LRRN2: variants seen among roughly 807,000 people sequenced by gnomAD.
LRRN2 encodes the protein leucine rich repeat neuronal 2.
In LRRN2, 10 loss-of-function variants were observed where a neutral mutation model predicts 35.7. That is an observed-to-expected ratio of 0.28 (90% CI 0.17 to 0.47). The LOEUF is 0.47. Ranked by LOEUF, LRRN2 falls within the 20% of genes least tolerant of loss-of-function variation. LRRN2 has a pLI of 0.99. For missense variants in LRRN2, 731 were observed against 940.3 expected (o/e 0.78, Z 2.91); for synonymous variants, 391 against 409.6 (o/e 0.95, Z 0.55).
intron 1 of LRRN2, among the ~76,000 whole-genome samples, chr1:204,637,982 AGAG>A (rs1164144737): frequency 6.6e-6 from 1 of 152,214 alleles, no homozygotes; most frequent in Non-Finnish European, 1.5e-5. Context: ...GGGGGAGGAC[AGAG>A]GAGAATGTAC....
At chr1:204,644,185 A>AAGCC (rs766373511) in intron 1 of LRRN2, among the ~76,000 whole-genome samples, 1 of 152,036 alleles carries the variant, frequency 6.6e-6, no homozygotes, top group Non-Finnish European at 1.5e-5. Flanking sequence ...TGGTGGTCAG[A>AAGCC]AGCCACATTT....
At chr1:204,643,316 T>G (rs1448951216) in intron 1 of LRRN2, among the ~76,000 whole-genome samples, 1 of 152,164 alleles carries the variant, frequency 6.6e-6, no homozygotes, top group East Asian at 1.9e-4. Context: ...TATCTGAAAT[T>G]GCATGCAAAC....
In LRRN2 at chr1:204,624,748, CCCCCCCA is replaced by C. The variant is rs774127611; in HGVS notation, c.-226-4537_-226-4531del. 5.0e-3 allele frequency among the ~76,000 whole-genome samples: 352 copies of C among 69,944 alleles called. 30 individuals carry two copies. The highest frequency in any genetic ancestry group is 0.019 in the East Asian group (47 of 2,440). 45.9% of individuals were successfully genotyped at this position (69,944 alleles called of 152,430 possible). ...TCCTCCCTCCTCTCCCTGGCGGTTC[CCCCCCCA>C]CCCCCCCCCCCGGGAGCTGAGGGTC... On this transcript the variant is annotated intron_variant, in intron 1 of 1. Transcript: ENST00000367177.
chr1:204,673,995 T>C (rs1483555641), intron 1 of LRRN2, among the ~76,000 whole-genome samples: 1 of 151,362 alleles, frequency 6.6e-6, no homozygotes, highest in East Asian at 1.9e-4. Context: ...GATAGGAGAG[T>C]GGTGGAAAAC....
chr1:204,659,612 GT>G (rs1668429807), intron 1 of LRRN2, among the ~76,000 whole-genome samples: 1 of 29,794 alleles, frequency 3.4e-5, no homozygotes, highest in Non-Finnish European at 6.9e-5. Context: ...ACCTTCAGGT[GT>G]GTGTGTGTGT....
chr1:204,670,017 TG>T (rs753055250), intron 1 of LRRN2, among the ~76,000 whole-genome samples: 2,705 of 151,702 alleles, frequency 0.018, 46 homozygotes, highest in Non-Finnish European at 0.027. Context: ...TTTTTTTTTT[TG>T]TTTGTTTGTT....
intron 1 of LRRN2, among the ~76,000 whole-genome samples, chr1:204,643,622 G>A (rs1490166069): frequency 1.3e-5 from 2 of 152,038 alleles, no homozygotes; most frequent in Non-Finnish European, 2.9e-5. Context: ...AGCTGTGGCC[G>A]CCTCTAATCC....
chr1:204,636,131 A>AT (rs1667827226), intron 1 of LRRN2, among the ~76,000 whole-genome samples: 1 of 152,124 alleles, frequency 6.6e-6, no homozygotes, highest in Admixed American at 6.5e-5. Flanking sequence ...GAGCATCGTC[A>AT]TCTCCTCCAG....
At chr1:204,655,941 G>A (rs887976462) in intron 1 of LRRN2, among the ~76,000 whole-genome samples, 3 of 151,802 alleles carry the variant, frequency 2.0e-5, no homozygotes, top group South Asian at 2.1e-4. Flanking sequence ...ACGGAGTCTC[G>A]CTCTGTCGCC....
rs1181909764 is a variant in LRRN2, at chr1:204,619,027, C to A, written c.966G>T (p.Arg322=). Residue 322 remains arginine (R), a synonymous_variant, in exon 2 of 2, where the codon CGG becomes CGT. Coordinates refer to ENST00000367177, the MANE Select transcript of LRRN2 (RefSeq NM_201630.2). The part of the protein sequence containing the change: ...LTKLDITNNP[R]LSFIHPRAFH... ...AGGCGCGGGGGTGGATGAAGGACAG[C>A]CGTGGGTTATTGGTGATGTCCAGCT... is the stretch of plus-strand genomic sequence containing the variant. 1.2e-6 allele frequency: 2 copies of A among 1,608,548 alleles called. No individual in the cohort carries two copies. The highest frequency in any genetic ancestry group is 2.2e-5 in the South Asian group (2 of 90,374).
chr1:204,631,009 C>T (rs1667677219), intron 1 of LRRN2, among the ~76,000 whole-genome samples: 1 of 151,472 alleles, frequency 6.6e-6, no homozygotes, highest in South Asian at 2.1e-4. Context: ...ATACTGTAGT[C>T]CCCGGACCAG....
chr1:204,627,656 G>A (rs1283851061), intron 1 of LRRN2, among the ~76,000 whole-genome samples: 2 of 152,266 alleles, frequency 1.3e-5, no homozygotes. Flanking sequence ...AAGGCTGCAG[G>A]GGAGCCGAGC....
At chr1:204,625,014 C>T (rs1270174770) in intron 1 of LRRN2, among the ~76,000 whole-genome samples, 1 of 152,244 alleles carries the variant, frequency 6.6e-6, no homozygotes, top group Admixed American at 6.5e-5. Context: ...GGAGGTAAGC[C>T]TGGCCCCTCA....
rs570874548 is a variant in LRRN2 at position 204,656,066 on chromosome 1, C to T, written c.-227+29254G>A. ...CTGGGACTACAGGCGCCCGCCACCA[C>T]GCCCGGCTAATTTTTCGTATTTTTA... is the stretch of plus-strand genomic sequence containing the variant. On this transcript the variant is annotated intron_variant, in intron 1 of 1. Transcript: ENST00000367177. 1.2e-3 allele frequency among the ~76,000 whole-genome samples: 174 copies of T among 143,892 alleles called. 2 individuals carry two copies. The highest frequency in any genetic ancestry group is 3.3e-3 in the African/African-American group (135 of 41,112). The allele number at this position is 143,892 out of a possible 152,430, so 94.4% of individuals were successfully genotyped here.
intron 1 of LRRN2, among the ~76,000 whole-genome samples, chr1:204,644,834 T>C (rs1668065234): frequency 6.6e-6 from 1 of 152,220 alleles, no homozygotes; most frequent in South Asian, 2.1e-4. Context: ...GGGCTAGCAG[T>C]GGGACCCTCT....
In LRRN2 at chr1:204,632,342, C is replaced by T. The variant is rs377419854; in HGVS notation, c.-226-12124G>A. Among the ~76,000 whole-genome samples, 202 of 151,942 alleles carry T rather than the reference C, an allele frequency of 1.3e-3. 2 individuals are homozygous for T. The highest frequency in any genetic ancestry group is 4.6e-3 in the African/African-American group (190 of 41,432). On this transcript the variant is annotated intron_variant, in intron 1 of 1. Coordinates refer to ENST00000367177, the MANE Select transcript of LRRN2 (RefSeq NM_201630.2). ...AATGCACCTTGCAATTAAAATTCTT[C>T]CATATTGGCCGGGTGTGGTGGCTCA...
intron 1 of LRRN2, among the ~76,000 whole-genome samples, chr1:204,623,109 AAAC>A (rs1488808633): frequency 6.6e-6 from 1 of 152,074 alleles, no homozygotes; most frequent in Non-Finnish European, 1.5e-5. Context: ...CAAAAACACG[AAAC>A]AACTAGGAGA....
chr1:204,626,395 C>T (rs1667357710), intron 1 of LRRN2, among the ~76,000 whole-genome samples: 1 of 152,114 alleles, frequency 6.6e-6, no homozygotes, highest in African/African-American at 2.4e-5. Flanking sequence ...CTGACTGCCT[C>T]TCATTCCCAG....
rs371637827 is a variant in LRRN2 at position 204,631,822 on chromosome 1, G to A, written c.-226-11604C>T. On this transcript the variant is annotated intron_variant, in intron 1 of 1. Coordinates refer to ENST00000367177, the MANE Select transcript of LRRN2 (RefSeq NM_201630.2). ...AGTTCCAAGCAGTGAGTGGCTCCCC[G>A]TGGGTCTTGAGAGTGTGGGTGATGT... Among the ~76,000 whole-genome samples, 49 of 152,180 alleles carry A rather than the reference G, an allele frequency of 3.2e-4. No homozygotes were observed. In the East Asian group the frequency reaches 9.1e-3, roughly 28 times the overall value.
Sources: allele counts gnomAD v4.1 joint callset (sites outside exome capture counted in the v4.1 genomes callset), GRCh38; gene constraint gnomAD v4.1.1; transcripts MANE v1.5; gene names NCBI Gene and HGNC (gene_info 2026-07-23, HGNC 2026-07-21).